NUMA1: variants seen among roughly 807,000 people sequenced by gnomAD.
NUMA1 encodes the protein SP-H antigen.
A neutral mutation model predicts 237.1 loss-of-function variants in NUMA1; 62 were observed. That is an observed-to-expected ratio of 0.26 (90% confidence interval 0.21 to 0.32). The LOEUF is 0.32. Ranked by LOEUF, NUMA1 falls within the 10% of genes least tolerant of loss-of-function variation. The pLI, the probability that NUMA1 is intolerant of heterozygous loss-of-function variation, is 1.00. For synonymous variants in NUMA1, 1,028 were observed against 1,066.1 expected (o/e 0.96, Z 0.70); for missense variants, 2,533 against 2,666.5 (o/e 0.95, Z 1.10).
At chr11:72,032,217 C>A (rs371979412) in intron 3 of NUMA1, among the ~76,000 whole-genome samples, 1 of 151,842 alleles carries the variant, frequency 6.6e-6, no homozygotes, top group East Asian at 1.9e-4. Flanking sequence ...TTTTTTTTAA[C>A]GTGAAATAAA....
chr11:72,044,983 T>C (rs978489254), intron 2 of NUMA1, among the ~76,000 whole-genome samples: 6 of 152,102 alleles, frequency 3.9e-5, no homozygotes, highest in Middle Eastern at 3.2e-3. Flanking sequence ...TTTTTAATAA[T>C]CTTGTATTAC....
At chr11:72,060,092 T>G (rs934005352) in intron 2 of NUMA1, among the ~76,000 whole-genome samples, 1 of 152,182 alleles carries the variant, frequency 6.6e-6, no homozygotes, top group Non-Finnish European at 1.5e-5. Context: ...ACATCAAAGC[T>G]GTTTTTTTAA....
Position 72,022,414 on chromosome 11 carries a change from G to A in NUMA1, c.297C>T (p.Thr99=), listed in dbSNP as rs143065802. The A allele has an allele frequency of 9.3e-6, 15 of 1,612,040 alleles. No individual in the cohort carries two copies. The African/African-American group carries it at 1.5e-4, about 16-fold the overall frequency. ...TGGTAGAGTGGTATAAGAGCAGCAT[G>A]GTCATCTAGAAGCCAAACAGGAGGC... The part of the protein sequence containing the change: ...EGSELELAKM[T]MLLLYHSTMS... Residue 99 remains threonine, a synonymous_variant, in exon 7 of 27, where the codon ACC becomes ACT. Coordinates refer to ENST00000393695, the MANE Select transcript of NUMA1 (RefSeq NM_006185.4).
chr11:72,012,374 G>A (rs770006467), intron 16 of NUMA1, 27 bp downstream of exon 16: 4 of 1,610,264 alleles, frequency 2.5e-6, no homozygotes, highest in Non-Finnish European at 3.4e-6. Context: ...TAAGCAGCCA[G>A]CATTTAGCGA....
chr11:72,017,951 T>C, intron 12 of NUMA1, 124 bp from the exon 13 acceptor site: 1 of 1,141,492 alleles, frequency 8.8e-7, no homozygotes, highest in Non-Finnish European at 1.2e-6. Flanking sequence ...TACAAACCAA[T>C]CACAGCCATC....
At position 72,069,910 on chromosome 11, in the gene NUMA1, A is replaced by G. The variant is rs959448804; in HGVS notation, c.-101T>C. 2.0e-5 allele frequency: 3 copies of G among 152,102 alleles called. No homozygotes were observed. Among genetic ancestry groups the G allele is most frequent in the African/African-American group, 7.3e-5 (3 of 41,360 alleles). 9.4% of individuals were successfully genotyped at this position (152,102 alleles called of 1,614,324 possible). ...GCAGTCTGGCTTAGAATTAGTTTCC[A>G]CCTAGGGAAGGGGCAAAGGGACAGG... On this transcript the variant is annotated splice_region_variant and 5_prime_UTR_variant, in exon 2 of 27. Coordinates refer to ENST00000393695, the MANE Select transcript of NUMA1 (RefSeq NM_006185.4).
At chr11:72,017,902 C>A in intron 12 of NUMA1, 75 bp from the exon 13 acceptor site, 1 of 1,523,024 alleles carries the variant, frequency 6.6e-7, no homozygotes, top group South Asian at 1.2e-5. Context: ...CTCCCAGAAC[C>A]CCAGGGGCTG....
At chr11:72,023,752 T>C (rs1939210861) in intron 5 of NUMA1, among the ~76,000 whole-genome samples, 1 of 152,072 alleles carries the variant, frequency 6.6e-6, no homozygotes, top group South Asian at 2.1e-4. Flanking sequence ...TGTTCTTATT[T>C]AATCCACCCA....
intron 2 of NUMA1, among the ~76,000 whole-genome samples, chr11:72,062,011 G>A (rs1942969584): frequency 6.6e-6 from 1 of 152,112 alleles, no homozygotes; most frequent in African/African-American, 2.4e-5. Flanking sequence ...CACATTTCCA[G>A]CAAGTCGAAC....
rs1955612417 is a variant in NUMA1 at position 72,005,299 on chromosome 11, T to C, written c.5763A>G (p.Ala1921=). The C allele has an allele frequency of 1.9e-6, 3 of 1,609,722 alleles. No individual in the cohort carries two copies. The highest frequency in any genetic ancestry group is 2.5e-6 in the Non-Finnish European group (3 of 1,178,008). The change falls in exon 23 of 27, where the codon GCA becomes GCG. Residue 1921 remains alanine (A), a synonymous_variant. Transcript: ENST00000393695. ...PEQLDDWNRI[A]ELQQRNRVCP... is the part of the protein sequence containing the mutation. ...ACACTCGATTGCGCTGCTGCAGCTC[T>C]GCAATGCGGTTCCAGTCATCCAGCT...
intron 3 of NUMA1, among the ~76,000 whole-genome samples, chr11:72,029,820 TC>T (rs1259683613): frequency 1.3e-5 from 2 of 152,174 alleles, no homozygotes; most frequent in Non-Finnish European, 2.9e-5. Flanking sequence ...TGCTATACAC[TC>T]CCACAAACAT....
intron 13 of NUMA1, chr11:72,017,433 C>T (rs1038593030): frequency 5.7e-6 from 3 of 524,456 alleles, no homozygotes; most frequent in Non-Finnish European, 1.0e-5. Flanking sequence ...GTCCAAGATC[C>T]ACATCTTGTG....
intron 6 of NUMA1, 78 bp downstream of exon 6, chr11:72,022,987 G>A (rs1161437074): frequency 1.0e-6 from 1 of 1,001,838 alleles, no homozygotes; most frequent in Admixed American, 1.9e-5. Context: ...CTTGGGTTAA[G>A]AGAAGGCCCT....
chr11:72,046,971 A>T (rs1942037136), intron 2 of NUMA1, among the ~76,000 whole-genome samples: 1 of 152,112 alleles, frequency 6.6e-6, no homozygotes, highest in East Asian at 1.9e-4. Flanking sequence ...AAAAAAGAGA[A>T]AAAAAAAGAA....
At position 72,029,290 on chromosome 11, in the gene NUMA1, C is replaced by G. The variant is rs764021799; in HGVS notation, c.43G>C (p.Val15Leu). ...GGGTCAGCCACGTGTAGACTGTTCA[C>G]CTGTAAATCAAAGGGAACAGCCTAG... is the stretch of plus-strand genomic sequence containing the variant. ...ATRGAALLSW[V>L]NSLHVADPVE... Residue 15 changes from valine (V) to leucine (L), a missense_variant and splice_region_variant, in exon 4 of 27, where the codon GTG becomes CTG. By Grantham distance (32) the Val-to-Leu change is conservative. Coordinates refer to ENST00000393695, the MANE Select transcript of NUMA1 (RefSeq NM_006185.4). The G allele has an allele frequency of 1.2e-6, 2 of 1,602,734 alleles. No homozygotes were observed. Among genetic ancestry groups the G allele is most frequent in the Non-Finnish European group, 1.7e-6 (2 of 1,176,522 alleles).
intron 2 of NUMA1, among the ~76,000 whole-genome samples, chr11:72,062,313 CA>C (rs1942986056): frequency 6.6e-6 from 1 of 151,722 alleles, no homozygotes; most frequent in African/African-American, 2.4e-5. Flanking sequence ...CATTCTCTCC[CA>C]AATTTTGGTT....
rs1349649581 is a variant in NUMA1, at chr11:72,006,347, C to G, written c.5464-84G>C. ...CCATTCCCTTCCGAAGCCCTCAGAT[C>G]CCACGGCACATCCATGTATTCCCAA... On this transcript the variant is annotated intron_variant, in intron 21 of 26. Transcript: ENST00000393695. 7.0e-6 allele frequency: 8 copies of G among 1,147,602 alleles called. No individual in the cohort carries two copies. The African/African-American group carries it at 1.1e-4, about 15-fold the overall frequency. The allele number at this position is 1,147,602 out of a possible 1,614,324, so 71.1% of individuals were successfully genotyped here. A position where few individuals can be genotyped will look rare whatever the true frequency, so the allele number is the denominator to read the frequency against.
At position 72,052,038 on chromosome 11, in the gene NUMA1, G is replaced by T. The variant is rs535471335; in HGVS notation, c.-32-16063C>A. ...AACAGTGAGGCCAGAGGCAGAAAAT[G>T]GACTTAGGTGGCAGCGACAGAGGTA... On this transcript the variant is annotated intron_variant, in intron 2 of 26. Transcript: ENST00000393695. Among the ~76,000 whole-genome samples the T allele has an allele frequency of 6.0e-4, 91 of 152,294 alleles. 1 individual carries two copies. The highest frequency in any genetic ancestry group is 6.8e-3 in the Middle Eastern group (2 of 294).
At chr11:72,007,094 A>C (rs1324335201) in intron 21 of NUMA1, 95 bp downstream of exon 21, 1 of 1,457,212 alleles carries the variant, frequency 6.9e-7, no homozygotes, top group Non-Finnish European at 9.3e-7. Flanking sequence ...CTGGCTGCTC[A>C]TCCCTCCCTG....
Sources: allele counts gnomAD v4.1 joint callset (sites outside exome capture counted in the v4.1 genomes callset), GRCh38; gene constraint gnomAD v4.1.1; transcripts MANE v1.5; gene names NCBI Gene and HGNC (gene_info 2026-07-23, HGNC 2026-07-21).